FRMD4A: variants seen among roughly 807,000 people sequenced by gnomAD.
FRMD4A encodes the protein FERM domain containing 4A.
FRMD4A carries 29 observed loss-of-function variants against 129.1 expected under a neutral mutation model. The observed-to-expected ratio is 0.22, with a 90% CI of 0.17 to 0.31. FRMD4A has a LOEUF of 0.31. Ranked by LOEUF, FRMD4A falls within the 10% of genes least tolerant of loss-of-function variation. The pLI, the probability that FRMD4A is intolerant of heterozygous loss-of-function variation, is 1.00. For synonymous variants in FRMD4A, 634 were observed against 571.6 expected (o/e 1.11, Z -1.56); for missense variants, 1,272 against 1,375.8 (o/e 0.92, Z 1.19).
At chr10:13,957,126 T>G (rs1208613882) in intron 2 of FRMD4A, among the ~76,000 whole-genome samples, 1 of 152,238 alleles carries the variant, frequency 6.6e-6, no homozygotes, top group East Asian at 1.9e-4. Context: ...TTCTAGTGGA[T>G]GGCTCCGACT....
chr10:13,786,251 G>A (rs563722545), intron 5 of FRMD4A, among the ~76,000 whole-genome samples: 1 of 152,310 alleles, frequency 6.6e-6, no homozygotes, highest in South Asian at 2.1e-4. Flanking sequence ...GTGTAAAAGT[G>A]TTCCTATTTC....
intron 2 of FRMD4A, among the ~76,000 whole-genome samples, chr10:14,289,171 T>C (rs182273011): frequency 1.3e-5 from 2 of 152,334 alleles, no homozygotes; most frequent in East Asian, 1.9e-4. Context: ...AATTCCATTT[T>C]TAATTTTTTG....
At chr10:14,119,349 T>A (rs1838372490) in intron 2 of FRMD4A, among the ~76,000 whole-genome samples, 1 of 152,140 alleles carries the variant, frequency 6.6e-6, no homozygotes, top group Admixed American at 6.5e-5. Context: ...CAGAACCTGT[T>A]ACCAGCAGGA....
chr10:13,929,467 C>T (rs2610790), intron 2 of FRMD4A, among the ~76,000 whole-genome samples: 23,384 of 152,094 alleles, frequency 0.15, 1,925 homozygotes, highest in Non-Finnish European at 0.17. Context: ...CATGGTAGAG[C>T]CTGGTGGGGG....
intron 12 of FRMD4A, among the ~76,000 whole-genome samples, chr10:13,729,745 C>T (rs138357317): frequency 6.6e-6 from 1 of 152,252 alleles, no homozygotes; most frequent in South Asian, 2.1e-4. Context: ...CCTAATTGTG[C>T]ATCTAAGTGT....
intron 2 of FRMD4A, among the ~76,000 whole-genome samples, chr10:14,208,692 C>A (rs1812578324): frequency 6.6e-6 from 1 of 152,142 alleles, no homozygotes; most frequent in African/African-American, 2.4e-5. Flanking sequence ...TCCCCTGAAC[C>A]CAGAGCTTTC....
At position 14,146,258 on chromosome 10, in the gene FRMD4A, G is replaced by A. The variant is rs577308221; in HGVS notation, c.45+183800C>T. On this transcript the variant is annotated intron_variant, in intron 2 of 24. Coordinates refer to ENST00000357447, the MANE Select transcript of FRMD4A (RefSeq NM_018027.5). The stretch of plus-strand genomic sequence containing the variant: ...TCATTTCTCTACTGCACTGAATGTG[G>A]CAGCTAGATTATGTGACAGGAATGT... 2.0e-5 allele frequency among the ~76,000 whole-genome samples: 3 copies of A among 152,264 alleles called. No individual in the cohort carries two copies. In the South Asian group the frequency reaches 6.2e-4, roughly 32 times the overall value.
intron 2 of FRMD4A, among the ~76,000 whole-genome samples, chr10:14,066,280 C>T (rs192336636): frequency 2.0e-5 from 3 of 149,610 alleles, no homozygotes; most frequent in South Asian, 2.1e-4. Flanking sequence ...ACCAAAGTCA[C>T]GTACTTCCTC....
chr10:13,978,472 C>A (rs1377543001), intron 2 of FRMD4A, among the ~76,000 whole-genome samples: 1 of 152,078 alleles, frequency 6.6e-6, no homozygotes, highest in African/African-American at 2.4e-5. Context: ...TGGAAGTTAC[C>A]ATTTGCCATT....
chr10:13,958,376 C>T (rs182523335), intron 2 of FRMD4A, among the ~76,000 whole-genome samples: 1 of 150,952 alleles, frequency 6.6e-6, no homozygotes, highest in East Asian at 2.0e-4. Context: ...CTCCGCCTCC[C>T]GGGTTCACGC....
At chr10:14,012,987 C>T (rs561118486) in intron 2 of FRMD4A, among the ~76,000 whole-genome samples, 1 of 152,198 alleles carries the variant, frequency 6.6e-6, no homozygotes, top group South Asian at 2.1e-4. Flanking sequence ...TGACTGAGGT[C>T]ACACTGTATA....
At position 13,895,420 on chromosome 10, in the gene FRMD4A, CT is replaced by C. The variant is rs537290376; in HGVS notation, c.46-36509del. On this transcript the variant is annotated intron_variant, in intron 2 of 24. Transcript: ENST00000357447. ...TCCCTGCAAAGGATATGATCTCATTCTTTTTTTATGGCTGCATAGTATTCCA... is the reference window on the plus strand; with the variant it reads ...TCCCTGCAAAGGATATGATCTCATTCTTTTTTATGGCTGCATAGTATTCCA... 1.1e-3 allele frequency among the ~76,000 whole-genome samples: 166 copies of C among 152,186 alleles called. 2 individuals are homozygous for C. Among genetic ancestry groups the C allele is most frequent in the Admixed American group, 2.4e-3 (37 of 15,286 alleles).
intron 2 of FRMD4A, among the ~76,000 whole-genome samples, chr10:14,073,659 G>A (rs375333522): frequency 7.3e-4 from 111 of 152,272 alleles, no homozygotes; most frequent in Non-Finnish European, 1.4e-3. Context: ...AGCGAACGGA[G>A]TGAGGGGAAG....
At chr10:13,890,479 G>C (rs996981202) in intron 2 of FRMD4A, 1 of 957,348 alleles carries the variant, frequency 1.0e-6, no homozygotes, top group Non-Finnish European at 1.2e-6. Context: ...GACGACTTAC[G>C]GATGCAGAGG....
At chr10:14,058,903 T>A (rs998107834) in intron 2 of FRMD4A, among the ~76,000 whole-genome samples, 3 of 151,094 alleles carry the variant, frequency 2.0e-5, no homozygotes, top group South Asian at 2.1e-4. Flanking sequence ...ACGCATAGTA[T>A]CTACCCTTGG....
At chr10:13,740,797 G>A (rs540762807) in intron 9 of FRMD4A, among the ~76,000 whole-genome samples, 13 of 148,906 alleles carry the variant, frequency 8.7e-5, no homozygotes, top group Non-Finnish European at 1.5e-4. Flanking sequence ...TCCCCACAAA[G>A]GACTTGCATT....
intron 2 of FRMD4A, among the ~76,000 whole-genome samples, chr10:14,253,949 G>A (rs1310657583): frequency 6.6e-6 from 1 of 152,000 alleles, no homozygotes; most frequent in South Asian, 2.1e-4. Context: ...GAGACCTTTC[G>A]ACACCTCCAG....
At chr10:13,787,095 A>G (rs1371589834) in intron 5 of FRMD4A, among the ~76,000 whole-genome samples, 1 of 152,214 alleles carries the variant, frequency 6.6e-6, no homozygotes, top group African/African-American at 2.4e-5. Flanking sequence ...TAGCCATAAA[A>G]GGGGCAGAGA....
intron 2 of FRMD4A, among the ~76,000 whole-genome samples, chr10:14,038,227 G>C (rs569450844): frequency 6.6e-6 from 1 of 152,210 alleles, no homozygotes; most frequent in African/African-American, 2.4e-5. Context: ...GGAGGCTGAG[G>C]CAGGAGAATG....
Sources: allele counts gnomAD v4.1 joint callset (sites outside exome capture counted in the v4.1 genomes callset), GRCh38; gene constraint gnomAD v4.1.1; transcripts MANE v1.5; gene names NCBI Gene and HGNC (gene_info 2026-07-23, HGNC 2026-07-21).